Variants in FRMPD4 observed in about 807,000 individuals in gnomAD.
The protein encoded by FRMPD4 is FERM and PDZ domain-containing protein 4.
In FRMPD4, 22 loss-of-function variants were observed where a neutral mutation model predicts 94.1. The ratio of observed to expected loss-of-function variants is 0.23; its 90% confidence interval spans 0.17 to 0.33. The LOEUF is 0.33. Among genes scored for constraint, FRMPD4 ranks in the 10% least tolerant of loss-of-function variants. The probability of loss-of-function intolerance (pLI) is 1.00; values close to 1 mark genes in which losing one functional copy is unlikely to be tolerated. For missense variants in FRMPD4, 1,111 were observed against 1,339.9 expected (o/e 0.83, Z 2.67); for synonymous variants, 631 against 548.6 (o/e 1.15, Z -2.10).
intron 3 of FRMPD4, among the ~76,000 whole-genome samples, chrX:11,884,641 C>A (rs1219442426): frequency 9.0e-6 from 1 of 110,881 alleles, no homozygotes; most frequent in Non-Finnish European, 1.9e-5. Flanking sequence ...TATATATCCA[C>A]CAATATTCAT....
At chrX:12,175,452 C>T (rs1299969173) in intron 1 of FRMPD4, among the ~76,000 whole-genome samples, 1 of 111,885 alleles carries the variant, frequency 8.9e-6, no homozygotes, top group Non-Finnish European at 1.9e-5. Flanking sequence ...TCATCTGCAT[C>T]ACCTGTTAGA....
At chrX:12,158,274 C>T (rs948821115) in intron 1 of FRMPD4, among the ~76,000 whole-genome samples, 5 of 111,574 alleles carry the variant, frequency 4.5e-5, no homozygotes, top group African/African-American at 1.6e-4. Flanking sequence ...AAACATCCTA[C>T]CAGAAAAAAA....
intron 3 of FRMPD4, among the ~76,000 whole-genome samples, chrX:12,014,953 AC>A (rs1230776663): frequency 4.2e-4 from 47 of 111,511 alleles, no homozygotes; most frequent in African/African-American, 1.5e-3. Context: ...ACCATTCTAG[AC>A]AGTAAAGGAC....
chrX:12,310,222 G>A (rs1443362229), intron 1 of FRMPD4, among the ~76,000 whole-genome samples: 1 of 107,363 alleles, frequency 9.3e-6, no homozygotes, highest in Non-Finnish European at 1.9e-5. Context: ...GGGCAGGAGT[G>A]GGGGGTCGCA....
At position 11,843,911 on chromosome X, in the gene FRMPD4, A is replaced by T. The variant is rs183282398; in HGVS notation, c.-160-21175A>T. ...TGGATTTCATTTACTATCTTATGTC[A>T]GTTCGTTTTAGCCAGAAGGATTTTC... is the stretch of plus-strand genomic sequence containing the variant. On this transcript the variant is annotated intron_variant, in intron 1 of 18. Coordinates refer to the FRMPD4 transcript ENST00000640291. Among the ~76,000 whole-genome samples, 20 of 108,771 alleles carry T rather than the reference A, an allele frequency of 1.8e-4. No individual in the cohort carries two copies. The South Asian group carries it at 3.2e-3, about 17-fold the overall frequency. 94.5% of individuals were successfully genotyped at this position (108,771 alleles called of 115,157 possible). A position where few individuals can be genotyped will look rare whatever the true frequency, so the allele number is the denominator to read the frequency against.
chrX:12,218,876 C>T (rs2056835123), intron 1 of FRMPD4, among the ~76,000 whole-genome samples: 1 of 112,132 alleles, frequency 8.9e-6, no homozygotes, highest in African/African-American at 3.2e-5. Flanking sequence ...TCTATGACTG[C>T]CTTACATATA....
intron 3 of FRMPD4, among the ~76,000 whole-genome samples, chrX:12,041,538 C>T (rs919856384): frequency 6.4e-5 from 7 of 110,018 alleles, no homozygotes; most frequent in South Asian, 3.9e-4. Context: ...TTGTTGTGCC[C>T]GTGTATATCA....
intron 1 of FRMPD4, among the ~76,000 whole-genome samples, chrX:11,854,798 G>A (rs1269062894): frequency 2.7e-5 from 3 of 112,259 alleles, no homozygotes; most frequent in Non-Finnish European, 3.8e-5. Context: ...CTGGAGTTGA[G>A]TGTCTGAAGC....
At chrX:12,098,033 C>T (rs1271963111) in intron 3 of FRMPD4, among the ~76,000 whole-genome samples, 2 of 112,143 alleles carry the variant, frequency 1.8e-5, no homozygotes. Context: ...TACTATCCCA[C>T]CAGCAATTTA....
chrX:12,246,407 T>C (rs1343996777), intron 1 of FRMPD4, among the ~76,000 whole-genome samples: 2 of 111,656 alleles, frequency 1.8e-5, no homozygotes, highest in Admixed American at 9.5e-5. Flanking sequence ...AGAAGAATAC[T>C]TACAGGATTA....
chrX:12,665,004 G>C lies in FRMPD4; in HGVS notation c.423-9859G>C, dbSNP rs551168861. 5.6e-4 allele frequency among the ~76,000 whole-genome samples: 63 copies of C among 111,947 alleles called. No homozygotes were observed. In the South Asian group the frequency reaches 0.023, roughly 41 times the overall value. Reference sequence around the variant, plus strand: ...GTTTATTTGCATAGAGGTGTTGATAGTATTCTCTGATGGTAGTTTATATTA... The same window carrying C: ...GTTTATTTGCATAGAGGTGTTGATACTATTCTCTGATGGTAGTTTATATTA... On this transcript the variant is annotated intron_variant, in intron 4 of 16. Transcript: ENST00000675598.
At chrX:12,174,868 T>C (rs1236031801) in intron 1 of FRMPD4, among the ~76,000 whole-genome samples, 1 of 112,269 alleles carries the variant, frequency 8.9e-6, no homozygotes, top group Non-Finnish European at 1.9e-5. Context: ...TTAACCTGCC[T>C]CTTATCTTTT....
intron 3 of FRMPD4, among the ~76,000 whole-genome samples, chrX:12,086,422 C>T (rs2055111336): frequency 8.9e-6 from 1 of 111,803 alleles, no homozygotes; most frequent in South Asian, 3.7e-4. Flanking sequence ...GAAAAAATAT[C>T]GAGGCTTTCT....
chrX:12,392,402 G>A (rs1355804919), intron 1 of FRMPD4, among the ~76,000 whole-genome samples: 1 of 103,021 alleles, frequency 9.7e-6, no homozygotes, highest in Non-Finnish European at 2.0e-5. Context: ...TGTAATCCCA[G>A]CACTTTGGGA....
chrX:11,990,162 T>C (rs1205780345), intron 3 of FRMPD4, among the ~76,000 whole-genome samples: 1 of 112,427 alleles, frequency 8.9e-6, no homozygotes, highest in African/African-American at 3.2e-5. Flanking sequence ...TACTACAGTA[T>C]GGATGAACCT....
intron 4 of FRMPD4, among the ~76,000 whole-genome samples, chrX:12,639,070 G>T (rs2059469667): frequency 9.0e-6 from 1 of 111,668 alleles, no homozygotes; most frequent in Non-Finnish European, 1.9e-5. Context: ...CTTCCACATG[G>T]ATACTGTTGG....
intron 1 of FRMPD4, among the ~76,000 whole-genome samples, chrX:12,478,794 G>T (rs182477168): frequency 8.9e-6 from 1 of 111,986 alleles, no homozygotes; most frequent in Admixed American, 9.5e-5. Context: ...TTGAAATGGG[G>T]ATAGGAATAA....
intron 3 of FRMPD4, among the ~76,000 whole-genome samples, chrX:12,009,480 A>G (rs1413903502): frequency 8.9e-6 from 1 of 112,523 alleles, no homozygotes; most frequent in Non-Finnish European, 1.9e-5. Flanking sequence ...CAGAAGATGT[A>G]AAACAAATGT....
intron 1 of FRMPD4, among the ~76,000 whole-genome samples, chrX:12,496,028 C>A (rs7056229): frequency 0.012 from 1,308 of 111,876 alleles, 24 homozygotes; most frequent in African/African-American, 0.04. Context: ...TTCTAACAAA[C>A]CACAAGGTAA....
Sources: allele counts gnomAD v4.1 joint callset (sites outside exome capture counted in the v4.1 genomes callset), GRCh38; gene constraint gnomAD v4.1.1; transcripts MANE v1.5; gene names NCBI Gene and HGNC (gene_info 2026-07-23, HGNC 2026-07-21).